Variants in LTBP3 observed in about 807,000 individuals in gnomAD.
The protein encoded by LTBP3 is latent-transforming growth factor beta-binding protein 3.
A neutral mutation model predicts 159.7 loss-of-function variants in LTBP3; 97 were observed. That is an observed-to-expected ratio of 0.61 (90% confidence interval 0.52 to 0.72). The LOEUF is 0.72. Ranked by LOEUF, LTBP3 falls within the 30% of genes least tolerant of loss-of-function variation. The pLI, the probability that LTBP3 is intolerant of heterozygous loss-of-function variation, is 0.00. For missense variants in LTBP3, 1,584 were observed against 1,864.3 expected (o/e 0.85, Z 2.77); for synonymous variants, 824 against 777.1 (o/e 1.06, Z -1.00).
chr11:65,540,583 C>T lies in LTBP3; in HGVS notation c.3009G>A (p.Glu1003=), dbSNP rs142872641. The part of the protein sequence containing the change: ...DIDECMLFGS[E]ICKEGKCVNT... ...TCACGCACTTGCCCTCCTTGCAAATCTCCGACCCGAACAACATGCACTCGT... is the reference window on the plus strand; with the variant it reads ...TCACGCACTTGCCCTCCTTGCAAATTTCCGACCCGAACAACATGCACTCGT... The change falls in exon 22 of 28, where the codon GAG becomes GAA. Residue 1003 remains glutamate, a synonymous_variant. Coordinates refer to ENST00000301873, the MANE Select transcript of LTBP3 (RefSeq NM_001130144.3). 113 of 1,613,840 alleles carry T rather than the reference C, an allele frequency of 7.0e-5. 1 individual carries two copies. The Middle Eastern group carries it at 1.5e-3, about 21-fold the overall frequency.
intron 18 of LTBP3, 196 bp downstream of exon 18, chr11:65,542,909 A>AATGGAAGGATGGATGG (rs1856202815): frequency 2.7e-6 from 2 of 746,534 alleles, no homozygotes; most frequent in Non-Finnish European, 4.5e-6. Flanking sequence ...TGGAAGGATG[A>AATGGAAGGATGGATGG]ATGGAAGGAT....
At position 65,541,291 on chromosome 11, in the gene LTBP3, C is replaced by A; in HGVS notation, c.2728G>T (p.Val910Leu). 6.2e-7 allele frequency: 1 copy of A among 1,610,750 alleles called. No homozygotes were observed. The highest frequency in any genetic ancestry group is 1.9e-4 in the Middle Eastern group (1 of 5,390). ...TCCTTCTTGTGGTGGGGCTGCTCCACCTCTGAGGGGCAGACGGCAGCTCAG... is the reference window on the plus strand; with the variant it reads ...TCCTTCTTGTGGTGGGGCTGCTCCAACTCTGAGGGGCAGACGGCAGCTCAG... ...PTQDQHGCEEVEQPHHKKECY... is the reference protein window; with the variant it reads ...PTQDQHGCEELEQPHHKKECY... Residue 910 changes from valine (V) to leucine (L), a missense_variant and splice_region_variant, in exon 20 of 28, where the codon GTG becomes TTG. This residue lies in a region of LTBP3 where 565 missense variants were observed against 677.7 expected (regional missense o/e 0.83). Transcript: ENST00000301873.
In LTBP3 at chr11:65,552,465, G is replaced by A; in HGVS notation, c.1187-59C>T. On this transcript the variant is annotated intron_variant, in intron 6 of 27. Coordinates refer to ENST00000301873, the MANE Select transcript of LTBP3 (RefSeq NM_001130144.3). This position sits in a 1 kb window ranked among gnomAD's most constrained non-coding sequence, Gnocchi z 6.0. ...GCCTGCACATTGCCCACGTCCCTCT[G>A]CCCAGCTGCTGCAGACCTTGCCTCT... 3 of 1,596,084 alleles carry A rather than the reference G, an allele frequency of 1.9e-6. No individual in the cohort carries two copies. The South Asian group carries it at 3.3e-5, about 18-fold the overall frequency.
At chr11:65,557,538 C>T in intron 1 of LTBP3, 91 bp downstream of exon 1, 1 of 1,564,814 alleles carries the variant, frequency 6.4e-7, no homozygotes, top group Non-Finnish European at 8.7e-7. Context: ...TACCCTCAGC[C>T]CCCAGTCTCT....
rs540362534 is a variant in LTBP3 at position 65,538,642 on chromosome 11, G to A, written c.*438C>T. 1.6e-5 allele frequency: 24 copies of A among 1,497,716 alleles called. No homozygotes were observed. The African/African-American group carries it at 2.9e-4, about 18-fold the overall frequency. The allele number at this position is 1,497,716 out of a possible 1,614,324, so 92.8% of individuals were successfully genotyped here. A position where few individuals can be genotyped will look rare whatever the true frequency, so the allele number is the denominator to read the frequency against. ...TTTATTGTACAAACCATGTGAGCCC[G>A]GCCGGCCCAGCCAGGCCATCTCACG... On this transcript the variant is annotated 3_prime_UTR_variant, in exon 28 of 28. Transcript: ENST00000301873.
In LTBP3 at chr11:65,546,557, G is replaced by A. The variant is rs897072047; in HGVS notation, c.2238C>T (p.Asn746=). ...SQGGGACRDV[N]ECAEGSPCSP... ...AGCAGGGGCTGCCCTCGGCGCACTC[G>A]TTCACGTCTGCGGCGGAAAGACCTA... The change falls in exon 16 of 28, where the codon AAC becomes AAT. Residue 746 remains asparagine, a synonymous_variant. Coordinates refer to ENST00000301873, the MANE Select transcript of LTBP3 (RefSeq NM_001130144.3). The surrounding 1 kb of genome is among the most constrained non-coding windows in gnomAD (Gnocchi z 4.0). 7.1e-5 allele frequency: 114 copies of A among 1,602,244 alleles called. No individual in the cohort carries two copies. Among genetic ancestry groups the A allele is most frequent in the Non-Finnish European group, 9.2e-5 (108 of 1,179,456 alleles).
At chr11:65,548,536 G>A (rs1856477883) in intron 11 of LTBP3, 1 of 199,518 alleles carries the variant, frequency 5.0e-6, no homozygotes, top group Non-Finnish European at 1.0e-5. Context: ...CCCAAGACTA[G>A]CAGGAGCTGG....
chr11:65,552,805 C>G lies in LTBP3; in HGVS notation c.1186+55G>C. The G allele has an allele frequency of 6.2e-7, 1 of 1,613,508 alleles. No homozygotes were observed. The highest frequency in any genetic ancestry group is 1.3e-5 in the African/African-American group (1 of 75,028). On this transcript the variant is annotated intron_variant, in intron 6 of 27. Coordinates refer to ENST00000301873, the MANE Select transcript of LTBP3 (RefSeq NM_001130144.3). This position sits in a 1 kb window ranked among gnomAD's most constrained non-coding sequence, Gnocchi z 6.0. ...ACTCTGATCTCTTGCGATCTCTGATCCTTGCTCCCACCCATGCCTTGTGAC... is the reference window on the plus strand; with the variant it reads ...ACTCTGATCTCTTGCGATCTCTGATGCTTGCTCCCACCCATGCCTTGTGAC...
At chr11:65,540,673 C>G in intron 21 of LTBP3, 59 bp from the exon 22 acceptor site, 1 of 1,529,138 alleles carries the variant, frequency 6.5e-7, no homozygotes, top group Non-Finnish European at 8.8e-7. Context: ...GAGGCGTGGG[C>G]TGGGCGCACC....
intron 19 of LTBP3, 98 bp downstream of exon 19, chr11:65,541,502 C>T: frequency 6.3e-7 from 1 of 1,591,646 alleles, no homozygotes; most frequent in East Asian, 2.2e-5. Context: ...CTTCCGGTTC[C>T]CCAAATTTAG....
Position 65,546,061 on chromosome 11 carries a change from C to G in LTBP3, c.2353+381G>C. On this transcript the variant is annotated intron_variant, in intron 16 of 27. Transcript: ENST00000301873. This position sits in a 1 kb window ranked among gnomAD's most constrained non-coding sequence, Gnocchi z 4.0. ...AGGAAGCAGCCCAGCTCCATCCAGG[C>G]CCAGCACTGCATGCTACAGTCTGTC... 7.3e-6 allele frequency: 2 copies of G among 273,872 alleles called. No homozygotes were observed. The highest frequency in any genetic ancestry group is 1.4e-5 in the Non-Finnish European group (2 of 142,244). 17.0% of individuals were successfully genotyped at this position (273,872 alleles called of 1,614,324 possible).
At chr11:65,542,603 G>C (rs1043982867) in intron 18 of LTBP3, 4 of 217,128 alleles carry the variant, frequency 1.8e-5, no homozygotes, top group Non-Finnish European at 1.9e-5. Context: ...GGCCAGGCTG[G>C]TCTTGAACTC....
At chr11:65,540,674 T>C (rs1856075869) in intron 21 of LTBP3, 60 bp from the exon 22 acceptor site, 2 of 1,439,902 alleles carry the variant, frequency 1.4e-6, no homozygotes, top group East Asian at 2.6e-5. Context: ...AGGCGTGGGC[T>C]GGGCGCACCA....
At chr11:65,543,338 C>A in intron 17 of LTBP3, 89 bp downstream of exon 17, 2 of 1,612,360 alleles carry the variant, frequency 1.2e-6, no homozygotes, top group Non-Finnish European at 1.7e-6. Context: ...TATGCCCCAA[C>A]TGAGATCTGG....
chr11:65,540,548 G>C lies in LTBP3; in HGVS notation c.3044C>G (p.Pro1015Arg). 6.2e-7 allele frequency: 1 copy of C among 1,613,902 alleles called. No homozygotes were observed. The highest frequency in any genetic ancestry group is 8.5e-7 in the Non-Finnish European group (1 of 1,179,918). Residue 1015 changes from proline (P) to arginine (R), a missense_variant, in exon 22 of 28, where the codon CCT becomes CGT. Around this residue, in one of 6 missense-constraint regions of LTBP3, gnomAD observed 514 missense variants for 530.3 expected, o/e 0.97. Transcript: ENST00000301873. ...CTGCTTGCAGTAGCACTCGTAGCCA[G>C]GCTGCGTGTTCACGCACTTGCCCTC... ...CKEGKCVNTQ[P>R]GYECYCKQGF...
chr11:65,541,340 C>G, intron 19 of LTBP3, 47 bp from the exon 20 acceptor site: 1 of 1,593,212 alleles, frequency 6.3e-7, no homozygotes, highest in Non-Finnish European at 8.5e-7. Context: ...CCCCCCTTGG[C>G]CCTGTCCACC....
chr11:65,548,032 G>A lies in LTBP3; in HGVS notation c.1734C>T (p.Cys578=), dbSNP rs750943686. The change falls in exon 12 of 28, where the codon TGC becomes TGT. Residue 578 remains cysteine (C), a synonymous_variant. Coordinates refer to ENST00000301873, the MANE Select transcript of LTBP3 (RefSeq NM_001130144.3). ...APTQVTETDE[C]RLNQNICGHG... is the part of the protein sequence containing the mutation. ...GGCCACAGATGTTCTGGTTCAGTCG[G>A]CACTCATCAGTCTCTGCGGGCATGG... 3.5e-5 allele frequency: 56 copies of A among 1,613,716 alleles called. 1 individual carries two copies. The highest frequency in any genetic ancestry group is 8.3e-5 in the Admixed American group (5 of 59,978).
Position 65,538,610 on chromosome 11 carries a change from A to AGAT in LTBP3, c.*467_*469dup. On this transcript the variant is annotated 3_prime_UTR_variant, in exon 28 of 28. Transcript: ENST00000301873. ...CCCGGCTGCGGAGAGCCCGCCCCAC[A>AGAT]GATGTATTTATTGTACAAACCATGT... 1 of 1,589,910 alleles carries AGAT rather than the reference A, an allele frequency of 6.3e-7. No individual in the cohort carries two copies.
chr11:65,539,668 G>A (rs187689518), intron 25 of LTBP3, 40 bp from the exon 26 acceptor site: 4 of 1,586,234 alleles, frequency 2.5e-6, no homozygotes, highest in Admixed American at 1.7e-5. Flanking sequence ...CCGGGTCCCC[G>A]GGCCCTGGCC....
Sources: gnomAD v4.1 joint callset for allele counts on GRCh38, gnomAD v4.1.1 for gene constraint, gnomAD v4.1.1 regional missense constraint, Gnocchi (gnomAD v3.1) non-coding constraint, MANE v1.5 for transcripts, NCBI Gene and HGNC (gene_info 2026-07-23, HGNC 2026-07-21) for gene names.